ELMO1: variants seen among roughly 807,000 people sequenced by gnomAD.
The protein encoded by ELMO1 is engulfment and cell motility 1, also known as engulfment and cell motility protein 1.
ELMO1 carries 26 observed loss-of-function variants against 98.9 expected under a neutral mutation model. The ratio of observed to expected loss-of-function variants is 0.26; its 90% CI spans 0.19 to 0.36. The LOEUF is 0.36. ELMO1 is among the 10% of genes least tolerant of loss of function. The probability of loss-of-function intolerance (pLI) is 1.00; values close to 1 mark genes in which losing one functional copy is unlikely to be tolerated. For synonymous variants in ELMO1, 346 were observed against 346.0 expected, an observed-to-expected ratio of 1.00 and a Z score of 0.00; for missense variants, 627 against 935.2, an observed-to-expected ratio of 0.67 and a Z score of 4.30.
At chr7:37,136,381 G>A (rs117713548) in intron 13 of ELMO1, among the ~76,000 whole-genome samples, 1 of 152,092 alleles carries the variant, frequency 6.6e-6, no homozygotes. Context: ...AAGAACACCT[G>A]GTAAATTCAT....
At chr7:37,271,469 G>A (rs1473089332) in intron 5 of ELMO1, 2 of 205,276 alleles carry the variant, frequency 9.7e-6, no homozygotes, top group Non-Finnish European at 1.9e-5. Flanking sequence ...GCTTCCCTGG[G>A]CCACAGGAAG....
intron 7 of ELMO1, among the ~76,000 whole-genome samples, chr7:37,243,880 TAGG>T (rs1794871258): frequency 6.6e-6 from 1 of 152,178 alleles, no homozygotes; most frequent in Non-Finnish European, 1.5e-5. Flanking sequence ...ACTTCATAGA[TAGG>T]TGATCGAGCA....
intron 13 of ELMO1, among the ~76,000 whole-genome samples, chr7:37,209,142 T>A (rs1792818226): frequency 6.6e-6 from 1 of 152,176 alleles, no homozygotes; most frequent in Non-Finnish European, 1.5e-5. Flanking sequence ...GGAGCTACAT[T>A]GAGAAAATGT....
chr7:37,243,015 G>A (rs543122086), intron 7 of ELMO1, among the ~76,000 whole-genome samples: 1 of 152,250 alleles, frequency 6.6e-6, no homozygotes, highest in African/African-American at 2.4e-5. Flanking sequence ...GTTGGTTTAA[G>A]ATGTTTTGTT....
chr7:37,258,065 C>G (rs913758092), intron 6 of ELMO1, among the ~76,000 whole-genome samples: 1 of 152,008 alleles, frequency 6.6e-6, no homozygotes, highest in Non-Finnish European at 1.5e-5. Flanking sequence ...GTCAAGAGAT[C>G]GAGACCATCC....
chr7:36,899,700 T>TTTTTTTTTTTTA (rs60221089), intron 16 of ELMO1, among the ~76,000 whole-genome samples: 66 of 143,650 alleles, frequency 4.6e-4, no homozygotes, highest in African/African-American at 1.6e-3. Context: ...TTTTTTTTTT[T>TTTTTTTTTTTTA]ACCACTCCTA....
intron 6 of ELMO1, among the ~76,000 whole-genome samples, chr7:37,254,125 C>T (rs938407833): frequency 8.5e-5 from 13 of 152,120 alleles, no homozygotes; most frequent in African/African-American, 3.1e-4. Context: ...AGATGCAGGA[C>T]CAGCAGAAGG....
intron 1 of ELMO1, among the ~76,000 whole-genome samples, chr7:37,407,371 G>A (rs1803814952): frequency 6.6e-6 from 1 of 152,056 alleles, no homozygotes; most frequent in Non-Finnish European, 1.5e-5. Context: ...AGCCAGGCGT[G>A]ATGGTGGGTG....
intron 14 of ELMO1, among the ~76,000 whole-genome samples, chr7:37,130,870 G>A (rs766297529): frequency 5.3e-5 from 8 of 152,044 alleles, no homozygotes; most frequent in Non-Finnish European, 1.2e-4. Context: ...TTTATCAAAT[G>A]AAAGATATAA....
intron 2 of ELMO1, among the ~76,000 whole-genome samples, chr7:37,334,663 G>T (rs1800304025): frequency 1.3e-5 from 2 of 152,110 alleles, no homozygotes; most frequent in Non-Finnish European, 2.9e-5. Flanking sequence ...TGTGGTGCTT[G>T]CTGTTATTAT....
intron 17 of ELMO1, among the ~76,000 whole-genome samples, chr7:36,892,897 T>A (rs1805682227): frequency 6.6e-6 from 1 of 151,452 alleles, no homozygotes; most frequent in African/African-American, 2.5e-5. Context: ...AAAAGCTACA[T>A]CCATGCAGGA....
chr7:37,267,759 TG>T (rs1373248736), intron 5 of ELMO1, among the ~76,000 whole-genome samples: 2 of 152,346 alleles, frequency 1.3e-5, no homozygotes, highest in African/African-American at 4.8e-5. Context: ...ATTTTTCCCT[TG>T]TTCATAGCTT....
chr7:37,248,342 A>G (rs578016226), intron 6 of ELMO1, among the ~76,000 whole-genome samples: 1 of 152,044 alleles, frequency 6.6e-6, no homozygotes, highest in Non-Finnish European at 1.5e-5. Context: ...TTTTTCGCCA[A>G]CAGAAGATAA....
At position 37,194,080 on chromosome 7, in the gene ELMO1, C is replaced by T. The variant is rs142946252; in HGVS notation, c.1086+17306G>A. 5.9e-5 allele frequency among the ~76,000 whole-genome samples: 9 copies of T among 152,336 alleles called. No individual in the cohort carries two copies. The East Asian group carries it at 1.5e-3, about 26-fold the overall frequency. On this transcript the variant is annotated intron_variant, in intron 13 of 21. Transcript: ENST00000310758. ...ATGAAGACTGGAGTCCCATGTGTCA[C>T]ACACTCGATGTATGTCCTGGCCAGT...
At chr7:37,210,638 A>T (rs1792909698) in intron 13 of ELMO1, among the ~76,000 whole-genome samples, 1 of 151,788 alleles carries the variant, frequency 6.6e-6, no homozygotes, top group Non-Finnish European at 1.5e-5. Context: ...ATTTTTTTCC[A>T]AGGAAAGAGT....
intron 15 of ELMO1, among the ~76,000 whole-genome samples, chr7:37,026,309 T>C (rs1341925449): frequency 1.3e-5 from 2 of 152,124 alleles, no homozygotes; most frequent in East Asian, 3.9e-4. Context: ...GACTTTAGAT[T>C]ACACCTTAAC....
At chr7:37,012,180 G>T (rs1051555005) in intron 16 of ELMO1, among the ~76,000 whole-genome samples, 1 of 152,200 alleles carries the variant, frequency 6.6e-6, no homozygotes, top group African/African-American at 2.4e-5. Flanking sequence ...AGAAACTCAG[G>T]TTAGGACCTG....
intron 13 of ELMO1, among the ~76,000 whole-genome samples, chr7:37,165,848 T>C (rs1206518207): frequency 6.6e-6 from 1 of 152,214 alleles, no homozygotes; most frequent in South Asian, 2.1e-4. Context: ...GATGCTGGCC[T>C]CATAAAATGA....
intron 13 of ELMO1, among the ~76,000 whole-genome samples, chr7:37,178,166 A>G (rs1790600693): frequency 6.6e-6 from 1 of 152,100 alleles, no homozygotes; most frequent in Admixed American, 6.6e-5. Context: ...ATAAAGAAAA[A>G]GAGGTTTAAT....
Sources: allele counts gnomAD v4.1 joint callset (sites outside exome capture counted in the v4.1 genomes callset), GRCh38; gene constraint gnomAD v4.1.1; transcripts MANE v1.5; gene names NCBI Gene and HGNC (gene_info 2026-07-23, HGNC 2026-07-21).